Variants in DSCAML1 observed in about 807,000 individuals in gnomAD.
DSCAML1 encodes the protein cell adhesion molecule DSCAML1.
A neutral mutation model predicts 200.5 loss-of-function variants in DSCAML1; 38 were observed. The observed-to-expected ratio is 0.19, with a 90% CI of 0.15 to 0.25. The LOEUF (loss-of-function observed/expected upper bound fraction) is 0.25. Among genes scored for constraint, DSCAML1 ranks in the 10% least tolerant of loss-of-function variants. DSCAML1 has a pLI of 1.00. For synonymous variants in DSCAML1, 1,215 were observed against 1,165.0 expected (o/e 1.04, Z -0.87); for missense variants, 2,223 against 2,858.8 (o/e 0.78, Z 5.07).
upstream of DSCAML1, among the ~76,000 whole-genome samples, chr11:117,798,339 G>A (rs547892254): frequency 2.6e-5 from 4 of 152,320 alleles, no homozygotes; most frequent in South Asian, 4.1e-4. Flanking sequence ...TTACTTCCTC[G>A]AAATGTGCGG....
intron 1 of DSCAML1, among the ~76,000 whole-genome samples, chr11:117,795,965 CG>C (rs1242545839): frequency 6.6e-6 from 1 of 152,220 alleles, no homozygotes; most frequent in Non-Finnish European, 1.5e-5. Flanking sequence ...GAACAGGTGA[CG>C]CTGAGCTTGT....
At position 117,471,839 on chromosome 11, in the gene DSCAML1, T is replaced by C. The variant is rs767930968; in HGVS notation, c.2953+30A>G. 1.8e-5 allele frequency: 26 copies of C among 1,461,280 alleles called. No individual in the cohort carries two copies. In the South Asian group the frequency reaches 2.9e-4, roughly 16 times the overall value. 90.5% of individuals were successfully genotyped at this position (1,461,280 alleles called of 1,614,324 possible). ...CTGGTGGTCCTGATCCCTGAGGCCA[T>C]GGGCAGGGCAGGCTGGGTGAGGTGC... On this transcript the variant is annotated intron_variant, in intron 15 of 32. Transcript: ENST00000651296.
intron 1 of DSCAML1, among the ~76,000 whole-genome samples, chr11:117,787,016 G>A (rs1288498874): frequency 2.6e-5 from 4 of 152,140 alleles, no homozygotes; most frequent in East Asian, 3.9e-4. Context: ...GCTCCCCGAG[G>A]GCAGTGACTG....
At chr11:117,542,324 A>AC (rs1356190286) in intron 3 of DSCAML1, among the ~76,000 whole-genome samples, 61 of 72,960 alleles carry the variant, frequency 8.4e-4, no homozygotes, top group Admixed American at 2.9e-3. Flanking sequence ...AAACAAAACA[A>AC]AACACAAAAA....
chr11:117,731,025 T>C (rs959608021), intron 3 of DSCAML1, among the ~76,000 whole-genome samples: 16 of 152,216 alleles, frequency 1.1e-4, no homozygotes, highest in African/African-American at 3.9e-4. Context: ...TTAATGGTTG[T>C]GGGGTTTCCT....
intron 3 of DSCAML1, among the ~76,000 whole-genome samples, chr11:117,586,031 G>C (rs148232428): frequency 3.3e-5 from 5 of 152,282 alleles, no homozygotes; most frequent in African/African-American, 1.2e-4. Flanking sequence ...CTAAAGGCAT[G>C]AGGGCCCTTG....
intron 14 of DSCAML1, 28 bp from the exon 15 acceptor site, chr11:117,472,064 A>G (rs150558858): frequency 6.2e-7 from 1 of 1,610,364 alleles, no homozygotes; most frequent in African/African-American, 1.3e-5. Context: ...ATGTCAAAGC[A>G]TGGCCAGGCA....
intron 3 of DSCAML1, among the ~76,000 whole-genome samples, chr11:117,614,191 C>A (rs1280800159): frequency 5.3e-5 from 8 of 152,158 alleles, no homozygotes; most frequent in African/African-American, 2.4e-5. Flanking sequence ...TGCACTCACG[C>A]CTGTCTTCCC....
chr11:117,623,216 C>CTTTTTTTTTTTTTTTT (rs56343852), intron 3 of DSCAML1, among the ~76,000 whole-genome samples: 2 of 121,118 alleles, frequency 1.7e-5, no homozygotes, highest in African/African-American at 3.1e-5. Context: ...CTTTTCTTTT[C>CTTTTTTTTTTTTTTTT]TTTTTTTTTT....
At chr11:117,458,667 C>T (rs1182044968) in intron 19 of DSCAML1, 87 bp downstream of exon 19, 19 of 1,521,364 alleles carry the variant, frequency 1.2e-5, no homozygotes, top group Admixed American at 1.1e-4. Context: ...GGACAGTACC[C>T]TGCTCTCACC....
At chr11:117,435,536 A>C in intron 27 of DSCAML1, 108 bp downstream of exon 27, 1 of 1,327,448 alleles carries the variant, frequency 7.5e-7, no homozygotes, top group Non-Finnish European at 1.0e-6. Flanking sequence ...TCAAGGGGAC[A>C]CAGGCACTCT....
At chr11:117,794,060 CT>C (rs2055528692) in intron 1 of DSCAML1, among the ~76,000 whole-genome samples, 2 of 139,096 alleles carry the variant, frequency 1.4e-5, no homozygotes, top group African/African-American at 5.2e-5. Context: ...TAATTAGACA[CT>C]GAACAGAATG....
At chr11:117,691,790 C>T (rs11216504) in intron 3 of DSCAML1, among the ~76,000 whole-genome samples, 8,665 of 151,148 alleles carry the variant, frequency 0.057, 344 homozygotes, top group Non-Finnish European at 0.078. Context: ...TCTGCTCTAC[C>T]TTCTCTCCCC....
At chr11:117,816,807 G>GCGGT (rs1555038477) in intron 1 of DSCAML1, among the ~76,000 whole-genome samples, 2 of 115,046 alleles carry the variant, frequency 1.7e-5, no homozygotes, top group African/African-American at 3.0e-5. Flanking sequence ...CTGGGGGGGT[G>GCGGT]GGGTGGAGAT....
Position 117,503,833 on chromosome 11 carries a change from G to A in DSCAML1, c.2359+12C>T. On this transcript the variant is annotated intron_variant, in intron 11 of 32. Transcript: ENST00000651296. This position sits in a 1 kb window ranked among gnomAD's most constrained non-coding sequence, Gnocchi z 5.2. ...TTGGGGGTGCTAGGGGGCGTGTGGGGACAGGACTCACTCTTGACTGTGAGG... is the reference window on the plus strand; with the variant it reads ...TTGGGGGTGCTAGGGGGCGTGTGGGAACAGGACTCACTCTTGACTGTGAGG... The A allele has an allele frequency of 6.2e-7, 1 of 1,612,364 alleles. No homozygotes were observed. The highest frequency in any genetic ancestry group is 1.3e-5 in the African/African-American group (1 of 75,024).
At chr11:117,570,052 G>C (rs555980706) in intron 3 of DSCAML1, among the ~76,000 whole-genome samples, 2 of 152,122 alleles carry the variant, frequency 1.3e-5, no homozygotes, top group Admixed American at 6.5e-5. Flanking sequence ...AAGAAGGCAC[G>C]GGAGCCTTTC....
In DSCAML1 at chr11:117,509,775, T is replaced by G. The variant is rs569297151; in HGVS notation, c.1784-4043A>C. Among the ~76,000 whole-genome samples the G allele has an allele frequency of 4.5e-4, 68 of 152,328 alleles. 1 individual carries two copies. The South Asian group carries it at 0.014, about 31-fold the overall frequency. On this transcript the variant is annotated intron_variant, in intron 8 of 32. Coordinates refer to ENST00000651296, the MANE Select transcript of DSCAML1 (RefSeq NM_020693.4). The stretch of plus-strand genomic sequence containing the variant: ...AGTGCTCAGGGCTAGTAGCTGCATG[T>G]GTGCCTGGCCATTTCCATTTCTGGG...
intron 6 of DSCAML1, among the ~76,000 whole-genome samples, chr11:117,519,874 G>A (rs768656570): frequency 6.6e-6 from 1 of 152,208 alleles, no homozygotes; most frequent in Non-Finnish European, 1.5e-5. Context: ...TCTGGTCGGG[G>A]TGAGGAATGA....
At chr11:117,795,567 C>T (rs1200178369) in intron 1 of DSCAML1, among the ~76,000 whole-genome samples, 1 of 152,122 alleles carries the variant, frequency 6.6e-6, no homozygotes, top group African/African-American at 2.4e-5. Context: ...GGTGTGTAAC[C>T]CGGGGGACCC....
Sources: gnomAD v4.1 joint callset for allele counts (sites outside exome capture counted in the v4.1 genomes callset) on GRCh38, gnomAD v4.1.1 for gene constraint, Gnocchi (gnomAD v3.1) non-coding constraint, MANE v1.5 for transcripts, NCBI Gene and HGNC (gene_info 2026-07-23, HGNC 2026-07-21) for gene names.